CRB1: variants seen among roughly 807,000 people sequenced by gnomAD.
CRB1 encodes the protein crumbs cell polarity complex component 1, also known as protein crumbs homolog 1.
A neutral mutation model predicts 120.0 loss-of-function variants in CRB1; 83 were observed. The ratio of observed to expected loss-of-function variants is 0.69; its 90% CI spans 0.58 to 0.83. The LOEUF is 0.83. Among genes scored for constraint, CRB1 ranks in the 40% least tolerant of loss-of-function variants. The probability of loss-of-function intolerance (pLI) is 0.00; values close to 1 mark genes in which losing one functional copy is unlikely to be tolerated. For missense variants in CRB1, 1,699 were observed against 1,687.6 expected, an observed-to-expected ratio of 1.01 and a Z score of -0.12; for synonymous variants, 625 against 612.5, an observed-to-expected ratio of 1.02 and a Z score of -0.30.
chr1:197,338,017 G>A (rs745314756), intron 2 of CRB1, among the ~76,000 whole-genome samples: 8 of 151,604 alleles, frequency 5.3e-5, no homozygotes, highest in Non-Finnish European at 7.4e-5. Context: ...TAATACTGAT[G>A]TATTTAACAT....
the CRB1 span, chr1:197,222,146 A>T: frequency 8.0e-6 from 3 of 373,622 alleles, 1 homozygote. Flanking sequence ...GCCGTCACCC[A>T]GTCACACCGC....
chr1:197,304,470 T>A, intron 1 of CRB1: 1 of 759,206 alleles, frequency 1.3e-6, no homozygotes, highest in Non-Finnish European at 1.6e-6. Flanking sequence ...ATTTTCATAT[T>A]CTTCATCTAA....
upstream of CRB1, among the ~76,000 whole-genome samples, chr1:197,263,547 T>C (rs762643248): frequency 6.6e-6 from 1 of 152,174 alleles, no homozygotes; most frequent in Non-Finnish European, 1.5e-5. Flanking sequence ...ATTGTCAATT[T>C]TTGTTTTTGT....
chr1:197,445,252 C>A (rs1011796357), intron 11 of CRB1, among the ~76,000 whole-genome samples: 13 of 152,134 alleles, frequency 8.5e-5, no homozygotes, highest in Non-Finnish European at 1.9e-4. Flanking sequence ...TTCCATTTTG[C>A]TGCGTTTTTC....
intron 1 of CRB1, among the ~76,000 whole-genome samples, chr1:197,323,372 G>A (rs897470541): frequency 2.6e-5 from 4 of 152,038 alleles, no homozygotes; most frequent in Non-Finnish European, 4.4e-5. Context: ...TTCGTTGATC[G>A]ATTCTGCAAA....
At chr1:197,308,858 ATG>A (rs1010683864) in intron 1 of CRB1, among the ~76,000 whole-genome samples, 2 of 151,300 alleles carry the variant, frequency 1.3e-5, no homozygotes, top group African/African-American at 2.4e-5. Flanking sequence ...ACATATAAAA[ATG>A]TGTGTGTATA....
intron 5 of CRB1, among the ~76,000 whole-genome samples, chr1:197,373,458 A>G (rs953742377): frequency 1.3e-5 from 2 of 152,184 alleles, no homozygotes; most frequent in African/African-American, 4.8e-5. Context: ...CACTAGGGGA[A>G]GAAAATACAC....
At chr1:197,286,238 C>CT (rs1655818341) in intron 1 of CRB1, among the ~76,000 whole-genome samples, 1 of 151,944 alleles carries the variant, frequency 6.6e-6, no homozygotes, top group African/African-American at 2.4e-5. Flanking sequence ...AGGGCACAGT[C>CT]TTTTCCCAAT....
intron 5 of CRB1, among the ~76,000 whole-genome samples, chr1:197,416,353 C>T (rs949774147): frequency 3.3e-5 from 5 of 152,158 alleles, no homozygotes; most frequent in Non-Finnish European, 7.3e-5. Context: ...TAAATATGCT[C>T]TAATGTTGCC....
upstream of CRB1, chr1:197,268,142 AG>A: frequency 4.6e-6 from 2 of 430,394 alleles, no homozygotes; most frequent in Non-Finnish European, 4.3e-6. Context: ...CAAAGGCTTG[AG>A]GGGGGAATGA....
chr1:197,382,968 A>T (rs574834327), intron 5 of CRB1, among the ~76,000 whole-genome samples: 1 of 152,248 alleles, frequency 6.6e-6, no homozygotes, highest in African/African-American at 2.4e-5. Context: ...GCAGGAACTA[A>T]ATTAAGGTTC....
chr1:197,450,433 A>G (rs932006909), intron 11 of CRB1, among the ~76,000 whole-genome samples: 1 of 152,094 alleles, frequency 6.6e-6, no homozygotes, highest in African/African-American at 2.4e-5. Flanking sequence ...ACATAGGTAT[A>G]TTGTGTGATG....
At chr1:197,465,084 T>C (rs1161696819) in intron 11 of CRB1, among the ~76,000 whole-genome samples, 1 of 152,220 alleles carries the variant, frequency 6.6e-6, no homozygotes, top group Non-Finnish European at 1.5e-5. Context: ...CCCTATGTAC[T>C]GTATATAACA....
chr1:197,405,931 C>T (rs1294781984), intron 5 of CRB1, among the ~76,000 whole-genome samples: 2 of 151,412 alleles, frequency 1.3e-5, no homozygotes, highest in Non-Finnish European at 1.5e-5. Context: ...CCAGGCCAGC[C>T]GTCCCGTCCG....
the CRB1 span, among the ~76,000 whole-genome samples, chr1:197,208,867 C>G: frequency 1.3e-5 from 2 of 152,038 alleles, no homozygotes. Context: ...GGGTTAGGTG[C>G]GTCTGAGCTC....
chr1:197,219,371 C>T, the CRB1 span, among the ~76,000 whole-genome samples: 3 of 152,122 alleles, frequency 2.0e-5, no homozygotes, highest in Non-Finnish European at 4.4e-5. Context: ...GTTTCTTTCA[C>T]TTGATTTTTG....
the CRB1 span, among the ~76,000 whole-genome samples, chr1:197,244,709 AT>A: frequency 6.6e-6 from 1 of 151,576 alleles, no homozygotes; most frequent in Non-Finnish European, 1.5e-5. Context: ...CTTTTTCCAA[AT>A]TGTGATGCTT....
rs185676550 is a variant in CRB1, at chr1:197,445,175, A to C, written c.4005+2883A>C. Among the ~76,000 whole-genome samples the C allele has an allele frequency of 1.5e-3, 231 of 152,316 alleles. 1 individual carries two copies. The highest frequency in any genetic ancestry group is 5.1e-3 in the African/African-American group (213 of 41,564). ...GGGGCTGTTTTACCTAAATGACAGAAATTTACACTAACTCCTCTGGACCAA... is the reference window on the plus strand; with the variant it reads ...GGGGCTGTTTTACCTAAATGACAGACATTTACACTAACTCCTCTGGACCAA... On this transcript the variant is annotated intron_variant, in intron 11 of 11. Transcript: ENST00000367400.
At chr1:197,416,732 CAG>C (rs1664023193) in intron 5 of CRB1, among the ~76,000 whole-genome samples, 1 of 151,976 alleles carries the variant, frequency 6.6e-6, no homozygotes, top group Non-Finnish European at 1.5e-5. Flanking sequence ...TATTTTGAGA[CAG>C]AGTCTCGCTC....
Sources: allele counts gnomAD v4.1 joint callset (sites outside exome capture counted in the v4.1 genomes callset), GRCh38; gene constraint gnomAD v4.1.1; transcripts MANE v1.5; gene names NCBI Gene and HGNC (gene_info 2026-07-23, HGNC 2026-07-21).